Variants in MDGA2 observed in about 807,000 individuals in gnomAD.
The protein encoded by MDGA2 is MAM domain-containing glycosylphosphatidylinositol anchor protein 2.
MDGA2 carries 40 observed loss-of-function variants against 117.8 expected under a neutral mutation model. That is an observed-to-expected ratio of 0.34 (90% CI 0.26 to 0.44). The LOEUF (loss-of-function observed/expected upper bound fraction) is 0.44. Ranked by LOEUF, MDGA2 falls within the 20% of genes least tolerant of loss-of-function variation. The probability of loss-of-function intolerance (pLI) is 1.00; values close to 1 mark genes in which losing one functional copy is unlikely to be tolerated. For missense variants in MDGA2, 1,123 were observed against 1,250.6 expected (o/e 0.90, Z 1.54); for synonymous variants, 452 against 439.0 (o/e 1.03, Z -0.37).
intron 8 of MDGA2, among the ~76,000 whole-genome samples, chr14:46,964,469 C>T (rs1885936245): frequency 6.6e-6 from 1 of 152,126 alleles, no homozygotes; most frequent in Admixed American, 6.6e-5. Flanking sequence ...AAGGGACAGT[C>T]TAAGCTGGTT....
chr14:47,313,488 G>C (rs76913124), intron 1 of MDGA2, among the ~76,000 whole-genome samples: 1 of 151,670 alleles, frequency 6.6e-6, no homozygotes, highest in Non-Finnish European at 1.5e-5. Flanking sequence ...TAGAGATGGG[G>C]TCTCATTGTT....
chr14:47,009,303 G>T (rs1887816637), intron 8 of MDGA2, among the ~76,000 whole-genome samples: 1 of 151,932 alleles, frequency 6.6e-6, no homozygotes, highest in South Asian at 2.1e-4. Context: ...TTCTAAAAAA[G>T]TTAGCCAATT....
intron 3 of MDGA2, among the ~76,000 whole-genome samples, chr14:47,194,745 A>T (rs572441632): frequency 6.6e-5 from 10 of 150,472 alleles, no homozygotes; most frequent in African/African-American, 2.4e-4. Flanking sequence ...GGTGAATCTC[A>T]CTCTCTCTCT....
chr14:47,611,165 A>G (rs1404459239), intron 1 of MDGA2, among the ~76,000 whole-genome samples: 1 of 152,150 alleles, frequency 6.6e-6, no homozygotes, highest in Non-Finnish European at 1.5e-5. Context: ...AGGTAGGAGA[A>G]TGAAACTGGA....
chr14:47,329,510 C>T (rs1201397638), intron 1 of MDGA2, among the ~76,000 whole-genome samples: 1 of 152,086 alleles, frequency 6.6e-6, no homozygotes, highest in Non-Finnish European at 1.5e-5. Flanking sequence ...AAGCTTCTCA[C>T]TTCCCATTAA....
At chr14:47,156,661 A>T (rs1310788529) in intron 3 of MDGA2, among the ~76,000 whole-genome samples, 1 of 152,232 alleles carries the variant, frequency 6.6e-6, no homozygotes. Flanking sequence ...TTCTGTCTTT[A>T]ATCTTTGAAT....
intron 6 of MDGA2, among the ~76,000 whole-genome samples, chr14:47,076,584 G>GTA (rs1324212161): frequency 6.7e-6 from 1 of 149,034 alleles, no homozygotes; most frequent in Non-Finnish European, 1.5e-5. Flanking sequence ...GTGTGTGTGT[G>GTA]TGTATTACCC....
chr14:47,480,612 T>G (rs2138633738), intron 1 of MDGA2, among the ~76,000 whole-genome samples: 1 of 152,110 alleles, frequency 6.6e-6, no homozygotes, highest in South Asian at 2.1e-4. Context: ...TTCTTGCATT[T>G]TTGCCTTTTT....
At chr14:47,612,704 T>C (rs1195269165) in intron 1 of MDGA2, among the ~76,000 whole-genome samples, 2 of 152,102 alleles carry the variant, frequency 1.3e-5, no homozygotes, top group African/African-American at 4.8e-5. Context: ...CTATACTTTG[T>C]TTTTTTCCCA....
intron 2 of MDGA2, among the ~76,000 whole-genome samples, chr14:47,234,271 A>G (rs1325878442): frequency 1.3e-5 from 2 of 151,050 alleles, no homozygotes; most frequent in Non-Finnish European, 3.0e-5. Context: ...GCATATATGT[A>G]GATATATGTG....
chr14:47,061,509 C>T lies in MDGA2; in HGVS notation c.1265G>A (p.Arg422His), dbSNP rs753172800. 9.3e-6 allele frequency: 15 copies of T among 1,613,150 alleles called. No individual in the cohort carries two copies. The highest frequency in any genetic ancestry group is 2.2e-5 in the East Asian group (1 of 44,860). The part of the protein sequence containing the change: ...YHKDDNIQIG[R>H]EVKISCQVEA... The stretch of plus-strand genomic sequence containing the variant: ...TACTTGGCAAGATATTTTCACCTCA[C>T]GGCCAATCTGGATGTTGTCATCTTT... The change falls in exon 7 of 17, where the codon CGT becomes CAT. Residue 422 changes from arginine (R) to histidine (H), a missense_variant. By Grantham distance (29) the Arg-to-His change is conservative. Transcript: ENST00000399232.
chr14:47,050,529 TAA>T (rs1432538684), intron 7 of MDGA2, among the ~76,000 whole-genome samples: 1 of 152,000 alleles, frequency 6.6e-6, no homozygotes, highest in Non-Finnish European at 1.5e-5. Flanking sequence ...TACACTGAAA[TAA>T]GAGTTGAAAA....
intron 2 of MDGA2, among the ~76,000 whole-genome samples, chr14:47,293,534 A>G (rs545024772): frequency 8.2e-4 from 125 of 152,372 alleles, no homozygotes; most frequent in African/African-American, 3.0e-3. Context: ...AAATGTAAGT[A>G]TATAGTGATA....
In MDGA2 at chr14:47,267,339, T is replaced by A. The variant is rs200570373; in HGVS notation, c.420+34072A>T. Among the ~76,000 whole-genome samples, 16 of 152,278 alleles carry A rather than the reference T, an allele frequency of 1.1e-4. No individual in the cohort carries two copies. In the East Asian group the frequency reaches 2.5e-3, roughly 24 times the overall value. On this transcript the variant is annotated intron_variant, in intron 2 of 16. Coordinates refer to ENST00000399232, the MANE Select transcript of MDGA2 (RefSeq NM_001113498.3). ...GCAATTTAATGACTTGGAAAGGAAATGAAATGATTTTAAATTCCATTAAAA... is the reference window on the plus strand; with the variant it reads ...GCAATTTAATGACTTGGAAAGGAAAAGAAATGATTTTAAATTCCATTAAAA...
intron 3 of MDGA2, among the ~76,000 whole-genome samples, chr14:47,158,762 T>C (rs1469317655): frequency 2.0e-5 from 3 of 152,202 alleles, no homozygotes; most frequent in African/African-American, 7.2e-5. Flanking sequence ...AGCAGCTTTA[T>C]TTCTAATTGC....
chr14:47,384,411 T>C (rs1454929797), intron 1 of MDGA2, among the ~76,000 whole-genome samples: 1 of 151,850 alleles, frequency 6.6e-6, no homozygotes, highest in Non-Finnish European at 1.5e-5. Context: ...GTGCAGATTC[T>C]ATTTTATTTT....
intron 1 of MDGA2, among the ~76,000 whole-genome samples, chr14:47,316,404 T>A (rs1014041258): frequency 6.6e-6 from 1 of 152,076 alleles, no homozygotes; most frequent in Non-Finnish European, 1.5e-5. Context: ...AAAGAAATGA[T>A]CAAAATTGTC....
chr14:47,264,608 T>C (rs1887903994), intron 2 of MDGA2, among the ~76,000 whole-genome samples: 1 of 152,168 alleles, frequency 6.6e-6, no homozygotes, highest in Non-Finnish European at 1.5e-5. Flanking sequence ...TTGACTCTAG[T>C]CAATATATTT....
chr14:47,416,063 G>A lies in MDGA2; in HGVS notation c.281-114513C>T, dbSNP rs570136962. ...GTGACTTTTTCACATGCAAAATACA[G>A]TAATTCCATCTCAGTAGCCCCCAAA... is the stretch of plus-strand genomic sequence containing the variant. On this transcript the variant is annotated intron_variant, in intron 1 of 16. Coordinates refer to ENST00000399232, the MANE Select transcript of MDGA2 (RefSeq NM_001113498.3). Among the ~76,000 whole-genome samples, 24 of 152,242 alleles carry A rather than the reference G, an allele frequency of 1.6e-4. 1 individual carries two copies. Among genetic ancestry groups the A allele is most frequent in the Middle Eastern group, 3.4e-3 (1 of 294 alleles).
Sources: gnomAD v4.1 joint callset for allele counts (sites outside exome capture counted in the v4.1 genomes callset) on GRCh38, gnomAD v4.1.1 for gene constraint, MANE v1.5 for transcripts, NCBI Gene and HGNC (gene_info 2026-07-23, HGNC 2026-07-21) for gene names.